The following RGS22 variants were observed in gnomAD, a reference collection of about 807,000 sequenced individuals.
RGS22 encodes regulator of G protein signaling 22.
RGS22 carries 148 observed loss-of-function variants against 172.9 expected under a neutral mutation model. The ratio of observed to expected loss-of-function variants is 0.86; its 90% CI spans 0.75 to 0.98. The LOEUF (loss-of-function observed/expected upper bound fraction) is 0.98, where lower values mean the gene tolerates loss of function less well. RGS22 is among the 50% of genes least tolerant of loss of function. The pLI is 0.00. For missense variants in RGS22, 1,347 were observed against 1,440.8 expected, an observed-to-expected ratio of 0.93 and a Z score of 1.05; for synonymous variants, 458 against 480.2, an observed-to-expected ratio of 0.95 and a Z score of 0.60.
chr8:99,981,238 AAAG>A (rs1812515535), intron 22 of RGS22, among the ~76,000 whole-genome samples: 2 of 152,234 alleles, frequency 1.3e-5, no homozygotes, highest in Non-Finnish European at 2.9e-5. Flanking sequence ...TTTATCTTAA[AAAG>A]AAGTAACTTG....
rs1813201373 is a variant in RGS22, at chr8:100,098,847, TTATTTTATTATTTTATTTA to T, written c.55-5357_55-5339del. Among the ~76,000 whole-genome samples the T allele has an allele frequency of 4.4e-3, 620 of 139,400 alleles. 26 individuals are homozygous for T. The highest frequency in any genetic ancestry group is 0.01 in the East Asian group (51 of 4,926). 91.5% of individuals were successfully genotyped at this position (139,400 alleles called of 152,430 possible). ...CCCTGACCCCCTTTTATTTTTTTAT[TTATTTTATTATTTTATTTA>T]TTTTATTTTATTTTATTTTATTTTA... On this transcript the variant is annotated intron_variant, in intron 2 of 27. Transcript: ENST00000360863.
intron 14 of RGS22, among the ~76,000 whole-genome samples, chr8:100,026,222 C>G (rs1818159403): frequency 7.8e-6 from 1 of 128,442 alleles, no homozygotes; most frequent in Non-Finnish European, 1.7e-5. Context: ...ATGCACAACC[C>G]AGTATGAACA....
chr8:100,066,286 G>A lies in RGS22; in HGVS notation c.605C>T (p.Thr202Ile). 1.2e-6 allele frequency: 2 copies of A among 1,612,996 alleles called. No individual in the cohort carries two copies. Among genetic ancestry groups the A allele is most frequent in the South Asian group, 1.1e-5 (1 of 91,026 alleles). The change falls in exon 7 of 28, where the codon ACT (threonine) becomes ATT (isoleucine). Residue 202 changes from threonine to isoleucine, a missense_variant. Transcript: ENST00000360863. ...TAATGCAAACCAATCTTTTGTTTGAGTATAGGAAGCCTAGGAAGAAGGGAG... is the reference window on the plus strand; with the variant it reads ...TAATGCAAACCAATCTTTTGTTTGAATATAGGAAGCCTAGGAAGAAGGGAG... ...FYVSLGEASY[T>I]QTKDWFALAK...
chr8:100,086,470 A>G lies in RGS22; in HGVS notation c.118-6115T>C, dbSNP rs2980536. 1.8e-3 allele frequency among the ~76,000 whole-genome samples: 277 copies of G among 152,216 alleles called. 1 individual carries two copies. The highest frequency in any genetic ancestry group is 6.8e-3 in the Middle Eastern group (2 of 294). On this transcript the variant is annotated intron_variant, in intron 3 of 27. Coordinates refer to ENST00000360863, the MANE Select transcript of RGS22 (RefSeq NM_015668.5). ...AAATTAACACAGGAACAGAAAACCA[A>G]ACACCATATGTTTTCACTTATAAGT...
chr8:99,991,570 A>T (rs899302736), intron 20 of RGS22, among the ~76,000 whole-genome samples: 71 of 152,220 alleles, frequency 4.7e-4, no homozygotes, highest in Non-Finnish European at 3.7e-4. Context: ...TAGAGAAAAA[A>T]GAGTAAAAAG....
At position 100,102,600 on chromosome 8, in the gene RGS22, G is replaced by C. The variant is rs1205002133; in HGVS notation, c.54+2774C>G. Among the ~76,000 whole-genome samples, 10 of 152,298 alleles carry C rather than the reference G, an allele frequency of 6.6e-5. No individual in the cohort carries two copies. The East Asian group carries it at 1.9e-3, about 29-fold the overall frequency. On this transcript the variant is annotated intron_variant, in intron 2 of 27. Coordinates refer to ENST00000360863, the MANE Select transcript of RGS22 (RefSeq NM_015668.5). Reference sequence around the variant, plus strand: ...GCTAAAAGATGCTCAGAGCTCACAGGCAGTCTGGATGATGTTAGGTTGGAA... The same window carrying C: ...GCTAAAAGATGCTCAGAGCTCACAGCCAGTCTGGATGATGTTAGGTTGGAA...
intron 14 of RGS22, among the ~76,000 whole-genome samples, chr8:100,032,734 G>A (rs571291737): frequency 2.6e-5 from 4 of 152,102 alleles, no homozygotes; most frequent in Admixed American, 2.6e-4. Context: ...GCACCACATA[G>A]CACTTATTCT....
chr8:100,105,840 G>T, intron 1 of RGS22, 57 bp downstream of exon 1: 2 of 1,419,954 alleles, frequency 1.4e-6, no homozygotes, highest in Non-Finnish European at 1.9e-6. Context: ...AGGCTGGCGC[G>T]TGGTGCGGCC....
intron 20 of RGS22, among the ~76,000 whole-genome samples, chr8:99,988,492 T>C (rs1281866133): frequency 2.6e-5 from 4 of 152,206 alleles, no homozygotes. Context: ...TATTTAAGTT[T>C]CCCAAAGCTG....
At chr8:99,993,785 T>C (rs1814033077) in intron 20 of RGS22, among the ~76,000 whole-genome samples, 1 of 152,176 alleles carries the variant, frequency 6.6e-6, no homozygotes, top group Non-Finnish European at 1.5e-5. Context: ...GTCATCCTGA[T>C]ACCAAAGCCT....
At chr8:100,031,322 T>C (rs1259113924) in intron 14 of RGS22, among the ~76,000 whole-genome samples, 3 of 152,276 alleles carry the variant, frequency 2.0e-5, no homozygotes, top group Non-Finnish European at 4.4e-5. Flanking sequence ...AGGTGATATA[T>C]TAAAATAACA....
Position 100,080,266 on chromosome 8 carries a change from T to C in RGS22, c.207A>G (p.Lys69=). 6.2e-7 allele frequency: 1 copy of C among 1,613,976 alleles called. No individual in the cohort carries two copies. The highest frequency in any genetic ancestry group is 8.5e-7 in the Non-Finnish European group (1 of 1,179,894). Residue 69 remains lysine, a synonymous_variant, in exon 4 of 28, where the codon AAA becomes AAG. Transcript: ENST00000360863. ...DAPQFLEKQL[K]KILQNQQPRN... ...GAGGTTGCTGGTTTTGTAGAATTTT[T>C]TTCAGTTGTTTTTCCAGAAATTGTG... is the stretch of plus-strand genomic sequence containing the variant.
intron 14 of RGS22, among the ~76,000 whole-genome samples, chr8:100,034,217 C>G (rs1456131075): frequency 6.6e-6 from 1 of 152,146 alleles, no homozygotes; most frequent in African/African-American, 2.4e-5. Context: ...TAGAAAACCC[C>G]ATCATCTCAG....
At chr8:100,026,657 C>A (rs1005279583) in intron 14 of RGS22, among the ~76,000 whole-genome samples, 2 of 152,162 alleles carry the variant, frequency 1.3e-5, no homozygotes, top group African/African-American at 4.8e-5. Context: ...ATGTCAGGAA[C>A]AGGACTTGCA....
chr8:100,008,028 A>ATT, intron 15 of RGS22, among the ~76,000 whole-genome samples: 1 of 150,500 alleles, frequency 6.6e-6, no homozygotes, highest in South Asian at 2.1e-4. Flanking sequence ...TTTTTATTTT[A>ATT]TTTTTTATTT....
At chr8:99,968,034 G>C (rs1810935240) in intron 23 of RGS22, among the ~76,000 whole-genome samples, 1 of 152,196 alleles carries the variant, frequency 6.6e-6, no homozygotes, top group Non-Finnish European at 1.5e-5. Context: ...CCAGAAGAAG[G>C]AGCAGGCAGC....
intron 2 of RGS22, among the ~76,000 whole-genome samples, chr8:100,101,082 C>T (rs1214207268): frequency 6.6e-6 from 1 of 152,126 alleles, no homozygotes; most frequent in East Asian, 1.9e-4. Flanking sequence ...GGCACACTTA[C>T]TTGCATAGTT....
intron 14 of RGS22, among the ~76,000 whole-genome samples, chr8:100,012,978 A>ATTTTTTT (rs35339430): frequency 6.8e-5 from 6 of 88,744 alleles, no homozygotes; most frequent in Admixed American, 1.5e-4. Context: ...AACGCCTTTG[A>ATTTTTTT]TTTTTTTTTT....
chr8:100,043,975 A>G (rs1378155634), intron 11 of RGS22, among the ~76,000 whole-genome samples: 1 of 152,202 alleles, frequency 6.6e-6, no homozygotes, highest in Non-Finnish European at 1.5e-5. Flanking sequence ...AAATTAGGTA[A>G]TTTGATGAAA....
Sources: gnomAD v4.1 joint callset for allele counts (sites outside exome capture counted in the v4.1 genomes callset) on GRCh38, gnomAD v4.1.1 for gene constraint, MANE v1.5 for transcripts, NCBI Gene and HGNC (gene_info 2026-07-23, HGNC 2026-07-21) for gene names.